The following LARS1 variants were observed in gnomAD, a reference collection of about 807,000 sequenced individuals.
LARS1 encodes the protein leucyl-tRNA synthetase 1, also known as leucine--tRNA ligase, cytoplasmic.
In LARS1, 100 loss-of-function variants were observed where a neutral mutation model predicts 162.8. The ratio of observed to expected loss-of-function variants is 0.61; its 90% CI spans 0.52 to 0.73. LARS1 has a LOEUF of 0.73. Ranked by LOEUF, LARS1 falls within the 30% of genes least tolerant of loss-of-function variation. The pLI, the probability that LARS1 is intolerant of heterozygous loss-of-function variation, is 0.00. For synonymous variants in LARS1, 457 were observed against 462.8 expected (o/e 0.99, Z 0.16); for missense variants, 1,258 against 1,408.9 (o/e 0.89, Z 1.71).
rs1753305919 is a variant in LARS1, at chr5:146,151,896, T to C, written c.1391A>G (p.Lys464Arg). Residue 464 changes from lysine (K) to arginine (R), a missense_variant, in exon 14 of 32, where the codon AAG (lysine) becomes AGG (arginine). Coordinates refer to ENST00000394434, the MANE Select transcript of LARS1 (RefSeq NM_020117.11). ...AAATCCTTTTAGATATATCTTCTCC[T>C]TTGCTTCTGCAAGTTTTTCCCGGTC... Reference protein sequence around the residue: ...QNDREKLAEAKEKIYLKGFYE... With the variant: ...QNDREKLAEAREKIYLKGFYE... The C allele has an allele frequency of 1.2e-6, 2 of 1,613,974 alleles. No homozygotes were observed. Among genetic ancestry groups the C allele is most frequent in the Non-Finnish European group, 1.7e-6 (2 of 1,179,994 alleles).
chr5:146,143,385 GCTC>G, intron 19 of LARS1, 24 bp downstream of exon 19: 2 of 1,589,012 alleles, frequency 1.3e-6, no homozygotes, highest in South Asian at 1.2e-5. Context: ...GACAAATTAT[GCTC>G]CTTTCCCTTA....
At chr5:146,145,283 CTAT>C (rs1752963141) in intron 15 of LARS1, among the ~76,000 whole-genome samples, 2 of 93,842 alleles carry the variant, frequency 2.1e-5, no homozygotes, top group Non-Finnish European at 5.8e-5. Flanking sequence ...TAGGGTCTCA[CTAT>C]GTTGCCCAGG....
intron 2 of LARS1, 96 bp from the exon 3 acceptor site, chr5:146,172,870 A>G (rs1439277455): frequency 4.0e-6 from 2 of 496,190 alleles, no homozygotes; most frequent in East Asian, 3.5e-5. Flanking sequence ...CTTGATATAA[A>G]TAACTTAAGG....
chr5:146,153,815 G>GA lies in LARS1; in HGVS notation c.1154-6dup. 6.2e-7 allele frequency: 1 copy of GA among 1,613,652 alleles called. No individual in the cohort carries two copies. On this transcript the variant is annotated splice_polypyrimidine_tract_variant and splice_region_variant and intron_variant, in intron 11 of 31. Transcript: ENST00000394434. Reference sequence around the variant, plus strand: ...CACTTGTAACCACACCAGTGCCTTAGAAAACAAAGTGTGGAATTAATAACT... The same window carrying GA: ...CACTTGTAACCACACCAGTGCCTTAGAAAAACAAAGTGTGGAATTAATAACT...
chr5:146,131,331 T>C (rs1479039067), intron 23 of LARS1: 2 of 350,758 alleles, frequency 5.7e-6, no homozygotes, highest in Non-Finnish European at 5.1e-6. Flanking sequence ...AATCTCTCTA[T>C]TGTCTATCCA....
In LARS1 at chr5:146,176,314, T is replaced by C. The variant is rs113123632; in HGVS notation, c.125+1233A>G. On this transcript the variant is annotated intron_variant, in intron 2 of 31. Transcript: ENST00000394434. ...TAAAAATACAAAAATTAGCTGGGCG[T>C]GGTGGCACATGCCTGTAATCCCAGC... Among the ~76,000 whole-genome samples the C allele has an allele frequency of 1.6e-4, 24 of 151,526 alleles. 1 individual carries two copies. Among genetic ancestry groups the C allele is most frequent in the African/African-American group, 5.8e-4 (24 of 41,372 alleles).
At chr5:146,153,681 C>T in intron 12 of LARS1, 53 bp downstream of exon 12, 1 of 1,416,836 alleles carries the variant, frequency 7.1e-7, no homozygotes, top group African/African-American at 1.4e-5. Context: ...TCAGCAGCAC[C>T]TAAGCAATGA....
chr5:146,144,285 A>G lies in LARS1; in HGVS notation c.1720T>C (p.Ser574Pro). 1 of 1,611,912 alleles carries G rather than the reference A, an allele frequency of 6.2e-7. No individual in the cohort carries two copies. The highest frequency in any genetic ancestry group is 8.5e-7 in the Non-Finnish European group (1 of 1,179,462). Residue 574 changes from serine (S) to proline (P), a missense_variant, in exon 18 of 32, where the codon TCA (serine) becomes CCA (proline). By Grantham distance (74) the Ser-to-Pro change is moderately conservative (BLOSUM62 -1). Coordinates refer to ENST00000394434, the MANE Select transcript of LARS1 (RefSeq NM_020117.11). ...TGTTTACCTAGACCATAAGTTCTTG[A>G]GCAAGCATGTTCTTGTAGCCAACCT... ...TLGWLQEHAC[S>P]RTYGLGTHLP...
chr5:146,140,274 A>T lies in LARS1; in HGVS notation c.2091-13T>A. 1 of 1,593,654 alleles carries T rather than the reference A, an allele frequency of 6.3e-7. No homozygotes were observed. The highest frequency in any genetic ancestry group is 1.1e-5 in the South Asian group (1 of 90,550). On this transcript the variant is annotated splice_polypyrimidine_tract_variant and intron_variant, in intron 20 of 31. Coordinates refer to ENST00000394434, the MANE Select transcript of LARS1 (RefSeq NM_020117.11). The stretch of plus-strand genomic sequence containing the variant: ...AGGCCATTTGTCACTTCACAGATAA[A>T]TGTTTAAAGATAGAAAATAAAAAAA...
chr5:146,167,446 C>T (rs1357492467), intron 5 of LARS1, among the ~76,000 whole-genome samples: 1 of 151,838 alleles, frequency 6.6e-6, no homozygotes, highest in Non-Finnish European at 1.5e-5. Flanking sequence ...CTCTGTTGCC[C>T]AGGCTGGAGT....
intron 21 of LARS1, among the ~76,000 whole-genome samples, chr5:146,137,184 C>T (rs1752549769): frequency 6.6e-6 from 1 of 152,234 alleles, no homozygotes; most frequent in African/African-American, 2.4e-5. Flanking sequence ...AGGCGTGAGT[C>T]ACCGCGCCCA....
In LARS1 at chr5:146,149,711, A is replaced by G. The variant is rs747548341; in HGVS notation, c.1426-12T>C. 1.3e-6 allele frequency: 2 copies of G among 1,590,752 alleles called. No individual in the cohort carries two copies. Among genetic ancestry groups the G allele is most frequent in the African/African-American group, 2.7e-5 (2 of 74,488 alleles). ...TCCACCAACATGATCTAAAAGGATG[A>G]GAGGGGAGAAAAACCACATATAAAA... is the stretch of plus-strand genomic sequence containing the variant. On this transcript the variant is annotated splice_polypyrimidine_tract_variant and intron_variant, in intron 14 of 31. Coordinates refer to ENST00000394434, the MANE Select transcript of LARS1 (RefSeq NM_020117.11).
Position 146,146,774 on chromosome 5 carries a change from C to T in LARS1, c.1504-2065G>A, listed in dbSNP as rs114861685. Among the ~76,000 whole-genome samples, 1,461 of 151,188 alleles carry T rather than the reference C, an allele frequency of 9.7e-3. 25 individuals are homozygous for T. The highest frequency in any genetic ancestry group is 0.034 in the African/African-American group (1,403 of 41,082). On this transcript the variant is annotated intron_variant, in intron 15 of 31. Transcript: ENST00000394434. ...TGTCGCCCAGACTGGAGTGTGGTGG[C>T]GCCGTCTCGACTCACTGCAACCTCT...
intron 10 of LARS1, among the ~76,000 whole-genome samples, chr5:146,157,065 C>G (rs960906461): frequency 4.6e-5 from 7 of 152,102 alleles, no homozygotes; most frequent in African/African-American, 1.4e-4. Context: ...AGACACAAAA[C>G]AGTCAGACTA....
At chr5:146,135,521 TA>T in intron 22 of LARS1, 79 bp downstream of exon 22, 4 of 1,081,578 alleles carry the variant, frequency 3.7e-6, no homozygotes, top group Non-Finnish European at 5.4e-6. Flanking sequence ...AAAGTAAAAT[TA>T]AAACACCAAT....
chr5:146,144,168 G>A, intron 18 of LARS1, 99 bp downstream of exon 18: 1 of 854,690 alleles, frequency 1.2e-6, no homozygotes, highest in Non-Finnish European at 1.8e-6. Flanking sequence ...TTTCAATTCA[G>A]AAAACACTAG....
rs777624825 is a variant in LARS1 at position 146,120,491 on chromosome 5, C to G, written c.3205G>C (p.Val1069Leu). The G allele has an allele frequency of 1.9e-6, 3 of 1,612,490 alleles. No individual in the cohort carries two copies. The change falls in exon 31 of 32, where the codon GTT becomes CTT. Residue 1069 changes from valine (V) to leucine (L), a missense_variant. Transcript: ENST00000394434. ...GATGGCTGGGGATTCACCAGAGAAA[C>G]GGACACACCAGGCTAGGAAAACAAC... is the stretch of plus-strand genomic sequence containing the variant. The part of the protein sequence containing the change: ...NVFRIEPGVS[V>L]SLVNPQPSNG...
intron 1 of LARS1, among the ~76,000 whole-genome samples, chr5:146,179,074 A>T (rs544401991): frequency 1.3e-5 from 2 of 152,170 alleles, no homozygotes; most frequent in Non-Finnish European, 2.9e-5. Flanking sequence ...TCTACTAAAA[A>T]TACAAAAATT....
chr5:146,133,997 A>C (rs1209390169), intron 22 of LARS1, among the ~76,000 whole-genome samples: 2 of 152,098 alleles, frequency 1.3e-5, no homozygotes, highest in African/African-American at 4.8e-5. Context: ...GGCATGCGCC[A>C]CCACGCCCGG....
Sources: gnomAD v4.1 joint callset for allele counts (sites outside exome capture counted in the v4.1 genomes callset) on GRCh38, gnomAD v4.1.1 for gene constraint, MANE v1.5 for transcripts, NCBI Gene and HGNC (gene_info 2026-07-23, HGNC 2026-07-21) for gene names.